Variants in CMSS1 observed in about 807,000 individuals in gnomAD.
CMSS1 encodes protein CMSS1.
In CMSS1, 33 loss-of-function variants were observed where a neutral mutation model predicts 43.5. That is an observed-to-expected ratio of 0.76 (90% confidence interval 0.57 to 1.01). The LOEUF (loss-of-function observed/expected upper bound fraction) is 1.01, where lower values mean the gene tolerates loss of function less well. CMSS1 is among the 50% of genes least tolerant of loss of function. The pLI is 0.00. For synonymous variants in CMSS1, 115 were observed against 117.2 expected, an observed-to-expected ratio of 0.98 and a Z score of 0.12; for missense variants, 313 against 326.4, an observed-to-expected ratio of 0.96 and a Z score of 0.32.
intron 1 of CMSS1, among the ~76,000 whole-genome samples, chr3:100,121,834 G>A (rs1219029072): frequency 1.3e-5 from 2 of 152,170 alleles, no homozygotes; most frequent in African/African-American, 4.8e-5. Context: ...TGGGACCTCA[G>A]AGGCTGGCCT....
intron 1 of CMSS1, among the ~76,000 whole-genome samples, chr3:99,861,333 T>C (rs1022323424): frequency 2.2e-4 from 33 of 152,138 alleles, no homozygotes; most frequent in African/African-American, 7.7e-4. Flanking sequence ...CTGGCTGCCC[T>C]GTCCCTCTAG....
intron 1 of CMSS1, among the ~76,000 whole-genome samples, chr3:100,124,526 T>C (rs1285727063): frequency 6.6e-6 from 1 of 152,168 alleles, no homozygotes; most frequent in Non-Finnish European, 1.5e-5. Context: ...TCACAGCTGG[T>C]GACCCTGACC....
At chr3:100,131,293 C>T (rs887223135) in intron 1 of CMSS1, among the ~76,000 whole-genome samples, 1 of 152,154 alleles carries the variant, frequency 6.6e-6, no homozygotes, top group South Asian at 2.1e-4. Context: ...ATTTTAATCC[C>T]CGTGCTATAG....
chr3:99,946,368 A>C (rs1576592423), intron 1 of CMSS1, among the ~76,000 whole-genome samples: 1 of 152,236 alleles, frequency 6.6e-6, no homozygotes, highest in Non-Finnish European at 1.5e-5. Context: ...TTTGTTACGG[A>C]AAAGGAGTTT....
intron 9 of CMSS1, among the ~76,000 whole-genome samples, chr3:100,177,714 G>A (rs1453996583): frequency 1.3e-5 from 2 of 152,206 alleles, no homozygotes; most frequent in African/African-American, 4.8e-5. Context: ...AGGCATGGCA[G>A]TGCACACCTG....
At chr3:99,827,971 T>C (rs1011666982) in intron 1 of CMSS1, among the ~76,000 whole-genome samples, 3 of 152,200 alleles carry the variant, frequency 2.0e-5, no homozygotes, top group Non-Finnish European at 2.9e-5. Context: ...CTTAAACTTA[T>C]GCTAGCTTGG....
At chr3:100,083,857 A>T (rs1479242946) in intron 1 of CMSS1, among the ~76,000 whole-genome samples, 1 of 152,170 alleles carries the variant, frequency 6.6e-6, no homozygotes, top group Non-Finnish European at 1.5e-5. Context: ...TTAAGGCATG[A>T]GCCACGGTGC....
intron 1 of CMSS1, among the ~76,000 whole-genome samples, chr3:99,933,431 T>C (rs952905533): frequency 6.6e-6 from 1 of 152,170 alleles, no homozygotes; most frequent in African/African-American, 2.4e-5. Context: ...GAGATGAGAT[T>C]GGGAAAAACC....
At chr3:99,823,821 C>A (rs1211803505) in intron 1 of CMSS1, among the ~76,000 whole-genome samples, 2 of 152,144 alleles carry the variant, frequency 1.3e-5, no homozygotes, top group Admixed American at 6.5e-5. Flanking sequence ...AGCCTTCATT[C>A]TGTTCCTCAG....
At chr3:100,154,103 G>A (rs569652341) in intron 2 of CMSS1, among the ~76,000 whole-genome samples, 1 of 152,252 alleles carries the variant, frequency 6.6e-6, no homozygotes, top group African/African-American at 2.4e-5. Context: ...GTCCACCTGG[G>A]CCTCCCAAAG....
chr3:99,823,548 A>G (rs1164530086), intron 1 of CMSS1, among the ~76,000 whole-genome samples: 3 of 151,880 alleles, frequency 2.0e-5, no homozygotes, highest in Admixed American at 1.3e-4. Flanking sequence ...CTTTCTTTGC[A>G]TTTTTCTTCG....
intron 1 of CMSS1, among the ~76,000 whole-genome samples, chr3:100,054,490 T>TTGTTATGTTATGTTA (rs10668094): frequency 0.011 from 1,547 of 146,164 alleles, 9 homozygotes; most frequent in East Asian, 0.021. Flanking sequence ...ATGTTATGTT[T>TTGTTATGTTATGTTA]TGTTATGTTA....
At chr3:100,100,748 A>C (rs1349908796) in intron 1 of CMSS1, among the ~76,000 whole-genome samples, 4 of 152,154 alleles carry the variant, frequency 2.6e-5, no homozygotes, top group Non-Finnish European at 5.9e-5. Flanking sequence ...TAGCATCACT[A>C]AGATATCTGG....
intron 1 of CMSS1, among the ~76,000 whole-genome samples, chr3:100,070,771 A>G (rs1362472349): frequency 1.3e-5 from 2 of 152,174 alleles, no homozygotes; most frequent in African/African-American, 2.4e-5. Context: ...AGCTGGGATT[A>G]AAGGCATGTG....
intron 1 of CMSS1, among the ~76,000 whole-genome samples, chr3:99,939,061 A>G (rs1467157027): frequency 6.6e-6 from 1 of 152,206 alleles, no homozygotes; most frequent in African/African-American, 2.4e-5. Context: ...TCTTTAGACA[A>G]GGGATTGGAA....
chr3:99,913,839 A>G lies in CMSS1; in HGVS notation c.64+95796A>G, dbSNP rs368694526. ...ACGTAGAAAACACATATTCAGTCTC[A>G]TGAATCTTGCTAATGCGTTTCTTCT... is the stretch of plus-strand genomic sequence containing the variant. On this transcript the variant is annotated intron_variant, in intron 1 of 9. Coordinates refer to ENST00000421999, the MANE Select transcript of CMSS1 (RefSeq NM_032359.4). 1.8e-4 allele frequency among the ~76,000 whole-genome samples: 28 copies of G among 152,364 alleles called. 1 individual carries two copies. In the East Asian group the frequency reaches 2.1e-3, roughly 12 times the overall value.
intron 1 of CMSS1, chr3:100,109,918 C>A (rs1165245033): frequency 1.9e-5 from 2 of 106,968 alleles, no homozygotes; most frequent in Non-Finnish European, 3.7e-5. Flanking sequence ...CCCCCCCCAG[C>A]ACCACCCCCC....
intron 1 of CMSS1, among the ~76,000 whole-genome samples, chr3:100,020,250 A>G (rs1198969695): frequency 6.6e-6 from 1 of 152,082 alleles, no homozygotes; most frequent in East Asian, 1.9e-4. Flanking sequence ...AATTTACTTC[A>G]CTATTCTGCA....
At chr3:100,115,718 T>G (rs1161379701) in intron 1 of CMSS1, among the ~76,000 whole-genome samples, 1 of 152,002 alleles carries the variant, frequency 6.6e-6, no homozygotes, top group Non-Finnish European at 1.5e-5. Context: ...TTTAGTGTGA[T>G]TATCTTAAAA....
Sources: gnomAD v4.1 joint callset for allele counts (sites outside exome capture counted in the v4.1 genomes callset) on GRCh38, gnomAD v4.1.1 for gene constraint, MANE v1.5 for transcripts, NCBI Gene and HGNC (gene_info 2026-07-23, HGNC 2026-07-21) for gene names.